Variants in EHMT1 observed in about 807,000 individuals in gnomAD.
EHMT1 encodes the protein euchromatic histone lysine methyltransferase 1.
A neutral mutation model predicts 147.2 loss-of-function variants in EHMT1; 15 were observed. The observed-to-expected ratio is 0.10, with a 90% CI of 0.07 to 0.16. EHMT1 has a LOEUF of 0.16. EHMT1 is among the 10% of genes least tolerant of loss of function. The pLI is 1.00. For missense variants in EHMT1, 1,587 were observed against 1,772.4 expected (o/e 0.90, Z 1.88); for synonymous variants, 795 against 709.6 (o/e 1.12, Z -1.91).
intron 13 of EHMT1, among the ~76,000 whole-genome samples, chr9:137,778,581 C>T (rs979896600): frequency 4.6e-5 from 7 of 152,232 alleles, no homozygotes; most frequent in Admixed American, 6.5e-5. Context: ...CCTCCAGCCT[C>T]GCCTCTGAGC....
chr9:137,669,528 C>CACT (rs1940260373), intron 1 of EHMT1, among the ~76,000 whole-genome samples: 1 of 130,658 alleles, frequency 7.7e-6, no homozygotes, highest in Non-Finnish European at 1.6e-5. Flanking sequence ...CACGTGCACT[C>CACT]GACTCCTCCC....
At chr9:137,632,535 C>G (rs1209172170) in intron 1 of EHMT1, among the ~76,000 whole-genome samples, 3 of 152,156 alleles carry the variant, frequency 2.0e-5, no homozygotes, top group South Asian at 2.1e-4. Context: ...TCCCGAGTAG[C>G]TGGGATTACA....
At chr9:137,802,893 C>G in intron 18 of EHMT1, 1 of 1,232,220 alleles carries the variant, frequency 8.1e-7, no homozygotes, top group Non-Finnish European at 1.0e-6. Flanking sequence ...CCTGAGCCGG[C>G]AGAAGGAAGA....
At chr9:137,814,768 G>A in intron 22 of EHMT1, 1 of 594,088 alleles carries the variant, frequency 1.7e-6, no homozygotes, top group Non-Finnish European at 3.0e-6. Context: ...GCGGGGGTGG[G>A]CAGCGTCAGC....
intron 15 of EHMT1, chr9:137,784,393 A>T: frequency 8.1e-7 from 1 of 1,237,338 alleles, no homozygotes; most frequent in Non-Finnish European, 1.0e-6. Flanking sequence ...TTCAGACCAT[A>T]GTGCCAGCCT....
At chr9:137,678,639 T>C (rs1421156211) in intron 1 of EHMT1, among the ~76,000 whole-genome samples, 2 of 152,080 alleles carry the variant, frequency 1.3e-5, no homozygotes, top group Non-Finnish European at 2.9e-5. Context: ...TACCAGGTTT[T>C]TTTCTTAGAC....
chr9:137,807,282 G>C (rs557509664), intron 18 of EHMT1, among the ~76,000 whole-genome samples: 4 of 152,084 alleles, frequency 2.6e-5, no homozygotes, highest in South Asian at 2.1e-4. Context: ...GCAGGTTTTT[G>C]TTGGTTTGTC....
chr9:137,776,425 G>C lies in EHMT1; in HGVS notation c.1792-193G>C, dbSNP rs1337375745. Reference sequence around the variant, plus strand: ...TCTGGCTTCAGCTTCTTCTCTGTGGGGCGAGAGCACCACGGGAAGCATCGT... The same window carrying C: ...TCTGGCTTCAGCTTCTTCTCTGTGGCGCGAGAGCACCACGGGAAGCATCGT... On this transcript the variant is annotated intron_variant, in intron 11 of 26. Transcript: ENST00000460843. This position sits in a 1 kb window ranked among gnomAD's most constrained non-coding sequence, Gnocchi z 4.4. 1.8e-6 allele frequency: 1 copy of C among 566,640 alleles called. No individual in the cohort carries two copies. Among genetic ancestry groups the C allele is most frequent in the African/African-American group, 1.9e-5 (1 of 53,172 alleles). 35.1% of individuals were successfully genotyped at this position (566,640 alleles called of 1,614,324 possible).
In EHMT1 at chr9:137,776,243, C is replaced by T. The variant is rs1041660433; in HGVS notation, c.1792-375C>T. On this transcript the variant is annotated intron_variant, in intron 11 of 26. Coordinates refer to ENST00000460843, the MANE Select transcript of EHMT1 (RefSeq NM_024757.5). The surrounding 1 kb of genome is among the most constrained non-coding windows in gnomAD (Gnocchi z 4.4). ...ACTGCTGGGCACTGAGGCAGCTCCA[C>T]CTGCCTGATGCTGTGCCCTGAGGTG... 1.3e-5 allele frequency among the ~76,000 whole-genome samples: 2 copies of T among 152,160 alleles called. No individual in the cohort carries two copies. Among genetic ancestry groups the T allele is most frequent in the African/African-American group, 4.8e-5 (2 of 41,450 alleles).
intron 3 of EHMT1, among the ~76,000 whole-genome samples, chr9:137,724,695 T>A (rs1160285607): frequency 1.3e-5 from 2 of 152,224 alleles, no homozygotes; most frequent in Non-Finnish European, 2.9e-5. Flanking sequence ...CCAAACAGCC[T>A]GGTCGGTGGT....
At position 137,744,033 on chromosome 9, in the gene EHMT1, C is replaced by T. The variant is rs1441541519; in HGVS notation, c.1113C>T (p.Pro371=). 6.2e-7 allele frequency: 1 copy of T among 1,614,002 alleles called. No homozygotes were observed. The highest frequency in any genetic ancestry group is 8.5e-7 in the Non-Finnish European group (1 of 1,180,028). ...GTGCAGAGCAGGCGGCCGCGTTCCCCACAGAGGACAGCAGGACTTCCAAGG... is the reference window on the plus strand; with the variant it reads ...GTGCAGAGCAGGCGGCCGCGTTCCCTACAGAGGACAGCAGGACTTCCAAGG... ...GHGAEQAAAF[P]TEDSRTSKES... is the part of the protein sequence containing the mutation. Residue 371 remains proline (P), a synonymous_variant, in exon 6 of 27, where the codon CCC becomes CCT. Transcript: ENST00000460843.
At chr9:137,669,980 C>T (rs1001098570) in intron 1 of EHMT1, among the ~76,000 whole-genome samples, 1 of 152,094 alleles carries the variant, frequency 6.6e-6, no homozygotes, top group African/African-American at 2.4e-5. Context: ...CCTCCCCACA[C>T]AGCCTCAGCT....
chr9:137,718,082 C>T (rs1945531317), intron 3 of EHMT1, among the ~76,000 whole-genome samples: 1 of 138,330 alleles, frequency 7.2e-6, no homozygotes, highest in Non-Finnish European at 1.5e-5. Flanking sequence ...ATGATTTTCA[C>T]ACACAGGGCG....
chr9:137,808,248 G>A (rs933880590), intron 18 of EHMT1, among the ~76,000 whole-genome samples: 3 of 152,000 alleles, frequency 2.0e-5, no homozygotes, highest in Non-Finnish European at 4.4e-5. Context: ...ACTTCCTGCC[G>A]GAAGTGCACA....
chr9:137,635,680 C>G (rs1245840409), intron 1 of EHMT1, among the ~76,000 whole-genome samples: 1 of 150,780 alleles, frequency 6.6e-6, no homozygotes, highest in Admixed American at 6.6e-5. Flanking sequence ...ATTAGTGGGA[C>G]GTGGTGGCGG....
chr9:137,803,349 T>G (rs1953659906), intron 18 of EHMT1: 2 of 972,074 alleles, frequency 2.1e-6, no homozygotes, highest in African/African-American at 3.5e-5. Flanking sequence ...CTGATGATCT[T>G]CAGGTGATCC....
At chr9:137,778,212 T>C (rs1028165010) in intron 13 of EHMT1, among the ~76,000 whole-genome samples, 157 bp downstream of exon 13, 27 of 152,252 alleles carry the variant, frequency 1.8e-4, no homozygotes, top group Non-Finnish European at 3.7e-4. Flanking sequence ...TGGGAAATTA[T>C]TGTAAATTAC....
chr9:137,829,686 T>C (rs907216804), intron 25 of EHMT1, among the ~76,000 whole-genome samples: 3 of 152,252 alleles, frequency 2.0e-5, no homozygotes, highest in African/African-American at 7.2e-5. Flanking sequence ...CAGTGGCCTA[T>C]GGGGGAGACT....
chr9:137,831,271 C>T (rs1588929643), intron 25 of EHMT1, among the ~76,000 whole-genome samples: 1 of 152,170 alleles, frequency 6.6e-6, no homozygotes, highest in Admixed American at 6.5e-5. Context: ...ATTTCTTATT[C>T]CTTCTCTTTT....
Sources: allele counts gnomAD v4.1 joint callset (sites outside exome capture counted in the v4.1 genomes callset), GRCh38; gene constraint gnomAD v4.1.1; non-coding constraint Gnocchi (gnomAD v3.1); transcripts MANE v1.5; gene names NCBI Gene and HGNC (gene_info 2026-07-23, HGNC 2026-07-21).